The following RAB27B variants were observed in gnomAD, a reference collection of about 807,000 sequenced individuals.
RAB27B encodes the protein RAB27B, member RAS oncogene family.
A neutral mutation model predicts 24.6 loss-of-function variants in RAB27B; 15 were observed. That is an observed-to-expected ratio of 0.61 (90% confidence interval 0.41 to 0.94). The LOEUF (loss-of-function observed/expected upper bound fraction) is 0.94, where lower values mean the gene tolerates loss of function less well. RAB27B is among the 40% of genes least tolerant of loss of function. The pLI, the probability that RAB27B is intolerant of heterozygous loss-of-function variation, is 0.00. For missense variants in RAB27B, 261 were observed against 266.8 expected (o/e 0.98, Z 0.15); for synonymous variants, 105 against 92.5 (o/e 1.14, Z -0.78).
intron 2 of RAB27B, among the ~76,000 whole-genome samples, chr18:54,757,487 CAA>C (rs1971594268): frequency 6.6e-6 from 1 of 151,846 alleles, no homozygotes; most frequent in African/African-American, 2.4e-5. Flanking sequence ...ATAATAGTAA[CAA>C]AGATGGTGTG....
At position 54,893,543 on chromosome 18, in the gene RAB27B, TTTGACCAAGG is replaced by T. The variant is rs751093956; in HGVS notation, c.*4132_*4141del. The T allele has an allele frequency of 2.6e-5, 4 of 152,040 alleles. No individual in the cohort carries two copies. The highest frequency in any genetic ancestry group is 2.9e-5 in the Non-Finnish European group (2 of 67,940). The allele number at this position is 152,040 out of a possible 1,614,324, so 9.4% of individuals were successfully genotyped here. A position where few individuals can be genotyped will look rare whatever the true frequency, so the allele number is the denominator to read the frequency against. On this transcript the variant is annotated 3_prime_UTR_variant, in exon 6 of 6. Coordinates refer to ENST00000262094, the MANE Select transcript of RAB27B (RefSeq NM_004163.4). ...CATGAGCTATATTTTCTTCTGGATC[TTTGACCAAGG>T]TGATGTCAGCTTATTTCTGGGGAAG... is the stretch of plus-strand genomic sequence containing the variant.
chr18:54,853,239 A>G (rs1911657430), intron 1 of RAB27B, among the ~76,000 whole-genome samples: 1 of 152,222 alleles, frequency 6.6e-6, no homozygotes, highest in South Asian at 2.1e-4. Flanking sequence ...GTCAGAGACC[A>G]TAGAACTGCA....
chr18:54,803,512 G>A (rs1034385291), intron 2 of RAB27B, among the ~76,000 whole-genome samples: 1 of 152,140 alleles, frequency 6.6e-6, no homozygotes, highest in Non-Finnish European at 1.5e-5. Flanking sequence ...AGTGGAACCT[G>A]ACTTACCTTA....
At chr18:54,757,216 C>T (rs530793722) in intron 2 of RAB27B, among the ~76,000 whole-genome samples, 2 of 152,248 alleles carry the variant, frequency 1.3e-5, no homozygotes, top group African/African-American at 4.8e-5. Flanking sequence ...AAAAGGACAT[C>T]AGAGTCAGAC....
rs569753351 is a variant in RAB27B at position 54,726,468 on chromosome 18, A to G, written c.-20+8327A>G. Among the ~76,000 whole-genome samples, 17 of 151,686 alleles carry G rather than the reference A, an allele frequency of 1.1e-4. 1 individual carries two copies. The highest frequency in any genetic ancestry group is 1.9e-4 in the Non-Finnish European group (13 of 67,780). ...CCTTTTAAACTAGCCTGAGTTATGA[A>G]CATCTATCACACAGACTCCATCACT... On this transcript the variant is annotated intron_variant, in intron 2 of 4. Coordinates refer to the RAB27B transcript ENST00000586570.
chr18:54,824,034 C>G (rs1910394684), upstream of RAB27B, among the ~76,000 whole-genome samples: 1 of 152,040 alleles, frequency 6.6e-6, no homozygotes. Flanking sequence ...CTTTATTTAG[C>G]AACTTTACAC....
intron 1 of RAB27B, among the ~76,000 whole-genome samples, chr18:54,872,882 A>G (rs920716745): frequency 2.0e-5 from 3 of 152,180 alleles, no homozygotes; most frequent in African/African-American, 7.2e-5. Context: ...TATGGCAGCC[A>G]CTGAGCTGAG....
At chr18:54,885,480 A>G (rs1913096606) in intron 4 of RAB27B, among the ~76,000 whole-genome samples, 2 of 152,132 alleles carry the variant, frequency 1.3e-5, no homozygotes, top group Non-Finnish European at 1.5e-5. Context: ...CTCACATGCT[A>G]TTCCCAGTAT....
intron 2 of RAB27B, among the ~76,000 whole-genome samples, chr18:54,722,393 TG>T (rs1374919551): frequency 6.6e-6 from 1 of 152,056 alleles, no homozygotes; most frequent in East Asian, 1.9e-4. Flanking sequence ...GGTTGATGGG[TG>T]TTGATTATGG....
intron 1 of RAB27B, among the ~76,000 whole-genome samples, chr18:54,876,130 G>A (rs2311126): frequency 0.34 from 51,004 of 151,780 alleles, 10,131 homozygotes; most frequent in Admixed American, 0.43. Context: ...CAAGGCAGCC[G>A]GAGAGAGAGA....
chr18:54,804,904 C>CTCTCTCTCTTTCTTTCTTTCTT (rs1555658012), intron 2 of RAB27B, among the ~76,000 whole-genome samples: 33 of 48,020 alleles, frequency 6.9e-4, no homozygotes, highest in African/African-American at 1.7e-3. Flanking sequence ...CTTTCTCTCT[C>CTCTCTCTCTTTCTTTCTTTCTT]TCTTTCTTTC....
chr18:54,879,467 T>A lies in RAB27B; in HGVS notation c.239+13T>A, dbSNP rs1912836394. The A allele has an allele frequency of 6.3e-7, 1 of 1,598,332 alleles. No homozygotes were observed. On this transcript the variant is annotated intron_variant, in intron 3 of 5. Coordinates refer to ENST00000262094, the MANE Select transcript of RAB27B (RefSeq NM_004163.4). ...CGGGACAAGAGCGGTAATAGTAAAT[T>A]GCTTTATTTGTGGCTACACATAGCT...
At chr18:54,734,409 T>C (rs4800947) in intron 2 of RAB27B, among the ~76,000 whole-genome samples, 95,351 of 152,008 alleles carry the variant, frequency 0.63, 31,011 homozygotes, top group Non-Finnish European at 0.73. Flanking sequence ...TTCTAGCCTA[T>C]AACTTAGAGC....
intron 2 of RAB27B, chr18:54,744,648 G>A (rs1176622938): frequency 1.3e-5 from 2 of 152,166 alleles, no homozygotes; most frequent in Non-Finnish European, 2.9e-5. Context: ...CAATAATTAT[G>A]TGTCAGTTAA....
At chr18:54,872,481 C>T (rs937574018) in intron 1 of RAB27B, among the ~76,000 whole-genome samples, 4 of 151,836 alleles carry the variant, frequency 2.6e-5, no homozygotes, top group Admixed American at 6.6e-5. Flanking sequence ...CAAAATTAGC[C>T]AGGCATGGTG....
chr18:54,874,247 T>G (rs1378367211), intron 1 of RAB27B, among the ~76,000 whole-genome samples: 2 of 152,206 alleles, frequency 1.3e-5, no homozygotes, highest in African/African-American at 2.4e-5. Context: ...TAAGGTTAAA[T>G]GCAAATTTTC....
chr18:54,759,852 C>T (rs1030587818), intron 2 of RAB27B, among the ~76,000 whole-genome samples: 1 of 152,170 alleles, frequency 6.6e-6, no homozygotes, highest in African/African-American at 2.4e-5. Flanking sequence ...GCCGTTTAGC[C>T]AGTGGAAGAC....
intron 1 of RAB27B, among the ~76,000 whole-genome samples, chr18:54,833,230 C>CTTTTT (rs759972968): frequency 1.1e-5 from 1 of 94,706 alleles, no homozygotes; most frequent in African/African-American, 4.0e-5. Context: ...TTTTTTCTTT[C>CTTTTT]TTTCTTTTTT....
At chr18:54,768,160 A>C (rs1319313171) in intron 2 of RAB27B, among the ~76,000 whole-genome samples, 1 of 152,100 alleles carries the variant, frequency 6.6e-6, no homozygotes, top group Non-Finnish European at 1.5e-5. Context: ...GTGGAAATTT[A>C]TTAGGTAATT....
Sources: gnomAD v4.1 joint callset for allele counts (sites outside exome capture counted in the v4.1 genomes callset) on GRCh38, gnomAD v4.1.1 for gene constraint, MANE v1.5 for transcripts, NCBI Gene and HGNC (gene_info 2026-07-23, HGNC 2026-07-21) for gene names.